The following SEMA3D variants were observed in gnomAD, a reference collection of about 807,000 sequenced individuals.
The protein encoded by SEMA3D is semaphorin-3D.
In SEMA3D, 84 loss-of-function variants were observed where a neutral mutation model predicts 100.1. The observed-to-expected ratio is 0.84, with a 90% confidence interval of 0.70 to 1.01. The LOEUF is 1.01. Ranked by LOEUF, SEMA3D falls within the 50% of genes least tolerant of loss-of-function variation. The pLI is 0.00. For missense variants in SEMA3D, 875 were observed against 934.1 expected (o/e 0.94, Z 0.82); for synonymous variants, 312 against 320.7 (o/e 0.97, Z 0.29).
the SEMA3D span, among the ~76,000 whole-genome samples, chr7:85,250,045 G>A: frequency 1.3e-5 from 2 of 152,106 alleles, no homozygotes; most frequent in Admixed American, 6.5e-5. Flanking sequence ...GCGAGGCATT[G>A]CCTCACTTGG....
Position 85,076,349 on chromosome 7 carries a change from C to T in SEMA3D, c.376-3268G>A, listed in dbSNP as rs561506411. On this transcript the variant is annotated intron_variant, in intron 5 of 18. Coordinates refer to ENST00000284136, the MANE Select transcript of SEMA3D (RefSeq NM_001384900.1). ...AATATTAGATGTTTCAATATTTCAT[C>T]TCTCATATATATTCATACATATATA... Among the ~76,000 whole-genome samples, 245 of 152,038 alleles carry T rather than the reference C, an allele frequency of 1.6e-3. 1 individual carries two copies. Among genetic ancestry groups the T allele is most frequent in the African/African-American group, 5.3e-3 (221 of 41,540 alleles).
At chr7:85,183,943 T>C (rs2116585356) in intron 1 of SEMA3D, among the ~76,000 whole-genome samples, 1 of 152,336 alleles carries the variant, frequency 6.6e-6, no homozygotes, top group South Asian at 2.1e-4. Flanking sequence ...GGAAATGTTC[T>C]TAATACAACC....
intron 1 of SEMA3D, among the ~76,000 whole-genome samples, chr7:85,161,957 A>C (rs1790755053): frequency 1.3e-5 from 2 of 152,148 alleles, no homozygotes; most frequent in African/African-American, 4.8e-5. Flanking sequence ...CACTCTAGTC[A>C]GACTGTCCAT....
rs368248628 is a variant in SEMA3D at position 85,094,761 on chromosome 7, G to T, written c.312+3044C>A. 7.2e-5 allele frequency among the ~76,000 whole-genome samples: 11 copies of T among 151,868 alleles called. No homozygotes were observed. In the East Asian group the frequency reaches 1.7e-3, roughly 24 times the overall value. On this transcript the variant is annotated intron_variant, in intron 4 of 18. Transcript: ENST00000284136. ...AATGGGCATCATCTTTCCAGACCCC[G>T]TCCCAGAGAAGGAGTCCACGAGTAT...
intron 4 of SEMA3D, among the ~76,000 whole-genome samples, chr7:85,085,775 A>G (rs1425431264): frequency 7.9e-5 from 12 of 152,204 alleles, no homozygotes; most frequent in Non-Finnish European, 1.6e-4. Flanking sequence ...GTTTAGCTAG[A>G]TGGTTTCAAC....
chr7:85,081,118 A>G (rs1052761572), intron 5 of SEMA3D, among the ~76,000 whole-genome samples: 7 of 152,186 alleles, frequency 4.6e-5, no homozygotes, highest in African/African-American at 1.7e-4. Flanking sequence ...ATTATGTATC[A>G]ATTCTGTTTG....
At chr7:85,098,045 GAAAA>G (rs990136543) in intron 3 of SEMA3D, 80 bp from the exon 4 acceptor site, 3 of 677,304 alleles carry the variant, frequency 4.4e-6, no homozygotes, top group Admixed American at 3.5e-5. Context: ...AAAGAAGAAA[GAAAA>G]AGAAAGGAAA....
the SEMA3D span, among the ~76,000 whole-genome samples, chr7:85,207,756 T>C: frequency 6.6e-6 from 1 of 152,090 alleles, no homozygotes; most frequent in Non-Finnish European, 1.5e-5. Context: ...CATGAAAATA[T>C]TCACAAAGAT....
chr7:85,146,863 C>T (rs574037618), intron 2 of SEMA3D, among the ~76,000 whole-genome samples: 1 of 151,820 alleles, frequency 6.6e-6, no homozygotes, highest in African/African-American at 2.4e-5. Context: ...AAAGGAGTAG[C>T]AAATTTAATA....
At chr7:85,105,523 C>G (rs1022237346) in intron 3 of SEMA3D, among the ~76,000 whole-genome samples, 1 of 152,020 alleles carries the variant, frequency 6.6e-6, no homozygotes, top group Admixed American at 6.6e-5. Context: ...GTCTCTAAAG[C>G]TAATTGTTCA....
chr7:85,197,593 T>C, the SEMA3D span, among the ~76,000 whole-genome samples: 4 of 151,794 alleles, frequency 2.6e-5, no homozygotes, highest in East Asian at 2.0e-4. Context: ...CCCGACCACC[T>C]TGGGCAGATG....
chr7:85,106,947 T>G (rs1021227050), intron 3 of SEMA3D, among the ~76,000 whole-genome samples: 1 of 152,100 alleles, frequency 6.6e-6, no homozygotes, highest in Non-Finnish European at 1.5e-5. Context: ...ACGTGGGGAT[T>G]ACGGGAACTA....
chr7:85,101,687 CT>C (rs1788747568), intron 3 of SEMA3D, among the ~76,000 whole-genome samples: 1 of 151,930 alleles, frequency 6.6e-6, no homozygotes, highest in Non-Finnish European at 1.5e-5. Context: ...TTTTAAAAGT[CT>C]ATACCAAATG....
chr7:85,188,232 G>A (rs755054132), upstream of SEMA3D, among the ~76,000 whole-genome samples: 1 of 152,154 alleles, frequency 6.6e-6, no homozygotes. Flanking sequence ...AATGGTTGAT[G>A]GCAGAGTCAG....
At chr7:85,212,688 G>GATAA in the SEMA3D span, among the ~76,000 whole-genome samples, 1 of 151,886 alleles carries the variant, frequency 6.6e-6, no homozygotes, top group African/African-American at 2.4e-5. Flanking sequence ...ATTTACTACA[G>GATAA]ATAAATTTTT....
At chr7:85,201,672 A>G in the SEMA3D span, among the ~76,000 whole-genome samples, 177 of 152,166 alleles carry the variant, frequency 1.2e-3, no homozygotes, top group African/African-American at 3.7e-3. Context: ...TATTCTATGG[A>G]AACCCAGAAC....
Position 85,036,134 on chromosome 7 carries a change from T to A in SEMA3D, c.1191+755A>T, listed in dbSNP as rs193102520. Among the ~76,000 whole-genome samples, 941 of 151,974 alleles carry A rather than the reference T, an allele frequency of 6.2e-3. 8 individuals carry two copies. Among genetic ancestry groups the A allele is most frequent in the African/African-American group, 0.02 (850 of 41,486 alleles). On this transcript the variant is annotated intron_variant, in intron 12 of 18. Transcript: ENST00000284136. Reference sequence around the variant, plus strand: ...GAATAAATCCAAAATGAAAAAAAAATTTTTTTCCTCTTTAATATTAGGTCA... The same window carrying A: ...GAATAAATCCAAAATGAAAAAAAAAATTTTTTCCTCTTTAATATTAGGTCA...
chr7:85,236,369 A>G, the SEMA3D span, among the ~76,000 whole-genome samples: 2 of 151,038 alleles, frequency 1.3e-5, no homozygotes, highest in African/African-American at 4.9e-5. Context: ...GTGCAGTGGC[A>G]TGATCTCGGC....
At chr7:85,037,980 G>A (rs1351630587) in intron 11 of SEMA3D, among the ~76,000 whole-genome samples, 3 of 149,266 alleles carry the variant, frequency 2.0e-5, no homozygotes, top group Non-Finnish European at 4.4e-5. Context: ...CTTGCGAATA[G>A]GTGGGAATTG....
Sources: gnomAD v4.1 joint callset for allele counts (sites outside exome capture counted in the v4.1 genomes callset) on GRCh38, gnomAD v4.1.1 for gene constraint, MANE v1.5 for transcripts, NCBI Gene and HGNC (gene_info 2026-07-23, HGNC 2026-07-21) for gene names.